MCTP1: variants seen among roughly 807,000 people sequenced by gnomAD.
MCTP1 encodes the protein multiple C2 and transmembrane domain containing 1, also known as multiple C2 and transmembrane domain-containing protein 1.
In MCTP1, 69 loss-of-function variants were observed where a neutral mutation model predicts 120.6. The ratio of observed to expected loss-of-function variants is 0.57; its 90% CI spans 0.47 to 0.70. The LOEUF (loss-of-function observed/expected upper bound fraction) is 0.70, where lower values mean the gene tolerates loss of function less well. Among genes scored for constraint, MCTP1 ranks in the 30% least tolerant of loss-of-function variants. The pLI is 0.00. For missense variants in MCTP1, 1,203 were observed against 1,248.8 expected (o/e 0.96, Z 0.55); for synonymous variants, 529 against 493.1 (o/e 1.07, Z -0.96).
At chr5:95,128,094 G>T (rs913971948) in intron 1 of MCTP1, among the ~76,000 whole-genome samples, 2 of 152,178 alleles carry the variant, frequency 1.3e-5, no homozygotes, top group African/African-American at 4.8e-5. Context: ...GAAGGGGTTG[G>T]CTTGAGGAGC....
At chr5:95,165,154 A>G (rs1582410076) in intron 1 of MCTP1, among the ~76,000 whole-genome samples, 1 of 152,340 alleles carries the variant, frequency 6.6e-6, no homozygotes, top group Non-Finnish European at 1.5e-5. Flanking sequence ...ACCTCTAAAT[A>G]ATGAAAAAGA....
At chr5:94,927,859 C>A (rs552377190) in intron 6 of MCTP1, among the ~76,000 whole-genome samples, 2 of 152,098 alleles carry the variant, frequency 1.3e-5, no homozygotes, top group East Asian at 3.9e-4. Flanking sequence ...AAAATTGCTT[C>A]ATTCAACCAA....
At chr5:95,000,445 T>C (rs1048931652) in intron 2 of MCTP1, among the ~76,000 whole-genome samples, 2 of 152,182 alleles carry the variant, frequency 1.3e-5, no homozygotes, top group African/African-American at 4.8e-5. Flanking sequence ...TCCATACATG[T>C]TACTGCTTCT....
intron 17 of MCTP1, among the ~76,000 whole-genome samples, chr5:94,812,508 C>T (rs919139375): frequency 3.4e-5 from 5 of 148,182 alleles, no homozygotes; most frequent in Non-Finnish European, 7.4e-5. Flanking sequence ...AAAAAAAAAC[C>T]CTTCTACATG....
Position 94,885,801 on chromosome 5 carries a change from A to AAC in MCTP1, c.1933+3077_1933+3078insGT, listed in dbSNP as rs1306775221. Among the ~76,000 whole-genome samples the AAC allele has an allele frequency of 6.6e-5, 10 of 152,254 alleles. No homozygotes were observed. In the South Asian group the frequency reaches 2.1e-3, roughly 32 times the overall value. On this transcript the variant is annotated intron_variant, in intron 12 of 22. Transcript: ENST00000515393. Reference sequence around the variant, plus strand: ...ACTGAGAGGTATTTTTCAGTGACTCAAATTTTTTCCCTTACGAAGAATTTA... The same window carrying AAC: ...ACTGAGAGGTATTTTTCAGTGACTCAACAATTTTTTCCCTTACGAAGAATTTA...
chr5:95,185,511 CA>C (rs1749109298), intron 1 of MCTP1, among the ~76,000 whole-genome samples: 1 of 152,192 alleles, frequency 6.6e-6, no homozygotes, highest in Admixed American at 6.5e-5. Context: ...AGGCCAGGTG[CA>C]GTGGCTCATA....
rs374417612 is a variant in MCTP1 at position 94,822,484 on chromosome 5, A to G, written c.2437-23352T>C. On this transcript the variant is annotated intron_variant, in intron 17 of 22. Coordinates refer to ENST00000515393, the MANE Select transcript of MCTP1 (RefSeq NM_024717.7). ...TTGATGGGCATTTGGGTTGGTTCTA[A>G]GTCTTTGCTATTGTGAATAGTGCTG... Among the ~76,000 whole-genome samples, 108 of 152,248 alleles carry G rather than the reference A, an allele frequency of 7.1e-4. 1 individual carries two copies. The East Asian group carries it at 0.011, about 15-fold the overall frequency.
intron 1 of MCTP1, among the ~76,000 whole-genome samples, chr5:95,210,652 T>C (rs1310616766): frequency 2.0e-5 from 3 of 151,684 alleles, no homozygotes; most frequent in South Asian, 4.2e-4. Context: ...TGTCTTTTAA[T>C]TGGAGCATTT....
Position 94,707,354 on chromosome 5 carries a change from G to C in MCTP1, c.*142C>G. ...TATATATTCAAAGACATATGCCTTT[G>C]TACACTATTTACAGATTCTCTCGAT... is the stretch of plus-strand genomic sequence containing the variant. On this transcript the variant is annotated 3_prime_UTR_variant, in exon 23 of 23. Coordinates refer to ENST00000515393, the MANE Select transcript of MCTP1 (RefSeq NM_024717.7). 3.1e-6 allele frequency: 2 copies of C among 644,756 alleles called. No individual in the cohort carries two copies. The highest frequency in any genetic ancestry group is 5.5e-5 in the East Asian group (2 of 36,524). The allele number at this position is 644,756 out of a possible 1,614,324, so 39.9% of individuals were successfully genotyped here. A position where few individuals can be genotyped will look rare whatever the true frequency, so the allele number is the denominator to read the frequency against.
At chr5:95,119,556 GAAAAC>G (rs1476334702) in intron 1 of MCTP1, among the ~76,000 whole-genome samples, 6 of 151,820 alleles carry the variant, frequency 4.0e-5, no homozygotes, top group South Asian at 2.1e-4. Flanking sequence ...TTGAAACGAA[GAAAAC>G]AAAACAAAAG....
At chr5:94,988,720 C>T (rs187945966) in intron 2 of MCTP1, among the ~76,000 whole-genome samples, 9 of 150,980 alleles carry the variant, frequency 6.0e-5, no homozygotes, top group Admixed American at 5.3e-4. Context: ...GTTCTCATGA[C>T]GCTATAAAAG....
intron 1 of MCTP1, among the ~76,000 whole-genome samples, chr5:95,045,354 G>A (rs996344425): frequency 4.6e-5 from 7 of 152,158 alleles, no homozygotes; most frequent in Non-Finnish European, 1.0e-4. Context: ...TTTATAAGTT[G>A]ACTTGGTTTT....
At chr5:94,819,651 T>G (rs531813957) in intron 17 of MCTP1, among the ~76,000 whole-genome samples, 19 of 152,276 alleles carry the variant, frequency 1.2e-4, no homozygotes, top group African/African-American at 4.6e-4. Context: ...AAGAGGTGAT[T>G]ATTTATTCTC....
chr5:95,017,912 T>C (rs1374144582), intron 1 of MCTP1, among the ~76,000 whole-genome samples: 1 of 152,130 alleles, frequency 6.6e-6, no homozygotes, highest in African/African-American at 2.4e-5. Context: ...GACTGCTGAC[T>C]CATTTATCTG....
At chr5:94,853,878 A>G (rs1161401320) in intron 17 of MCTP1, among the ~76,000 whole-genome samples, 1 of 151,910 alleles carries the variant, frequency 6.6e-6, no homozygotes, top group African/African-American at 2.4e-5. Flanking sequence ...GATAACAGAT[A>G]TGATCATCAG....
At chr5:94,826,995 A>G (rs1004708170) in intron 17 of MCTP1, among the ~76,000 whole-genome samples, 1 of 151,716 alleles carries the variant, frequency 6.6e-6, no homozygotes, top group African/African-American at 2.4e-5. Flanking sequence ...GTTTTGTGTG[A>G]ATTTGATCCT....
chr5:95,048,554 C>G (rs1745129541), intron 1 of MCTP1, among the ~76,000 whole-genome samples: 1 of 152,046 alleles, frequency 6.6e-6, no homozygotes, highest in Non-Finnish European at 1.5e-5. Flanking sequence ...CACCCTTGTC[C>G]AAAACACATA....
intron 1 of MCTP1, among the ~76,000 whole-genome samples, chr5:95,269,088 G>C (rs1759151932): frequency 6.6e-6 from 1 of 152,138 alleles, no homozygotes; most frequent in African/African-American, 2.4e-5. Context: ...ATGAGGCTAA[G>C]AATTCCCACT....
intron 1 of MCTP1, among the ~76,000 whole-genome samples, chr5:95,039,748 C>T (rs1000650846): frequency 6.6e-5 from 10 of 151,876 alleles, no homozygotes; most frequent in Admixed American, 5.2e-4. Flanking sequence ...CAAAAGTTGA[C>T]GTAGGAGCTA....
Sources: allele counts gnomAD v4.1 joint callset (sites outside exome capture counted in the v4.1 genomes callset), GRCh38; gene constraint gnomAD v4.1.1; transcripts MANE v1.5; gene names NCBI Gene and HGNC (gene_info 2026-07-23, HGNC 2026-07-21).